The following PTPRT variants were observed in gnomAD, a reference collection of about 807,000 sequenced individuals.
PTPRT encodes the protein protein tyrosine phosphatase receptor type T.
A neutral mutation model predicts 176.8 loss-of-function variants in PTPRT; 56 were observed. That is an observed-to-expected ratio of 0.32 (90% CI 0.26 to 0.40). PTPRT has a LOEUF of 0.40. PTPRT is among the 10% of genes least tolerant of loss of function. The pLI is 1.00. For synonymous variants in PTPRT, 783 were observed against 739.0 expected (o/e 1.06, Z -0.96); for missense variants, 1,540 against 1,908.2 (o/e 0.81, Z 3.60).
intron 15 of PTPRT, among the ~76,000 whole-genome samples, chr20:42,222,603 C>A (rs963622206): frequency 4.6e-5 from 7 of 152,182 alleles, no homozygotes; most frequent in African/African-American, 1.7e-4. Flanking sequence ...CCCTAAGAAC[C>A]TATGAGGGCT....
chr20:42,858,538 G>C (rs768589730), intron 2 of PTPRT, among the ~76,000 whole-genome samples: 8 of 152,148 alleles, frequency 5.3e-5, no homozygotes, highest in African/African-American at 1.9e-4. Flanking sequence ...AATGGGATTA[G>C]TGTCCTTATA....
At chr20:42,537,118 T>A (rs572008827) in intron 7 of PTPRT, among the ~76,000 whole-genome samples, 1 of 152,174 alleles carries the variant, frequency 6.6e-6, no homozygotes, top group East Asian at 1.9e-4. Flanking sequence ...TAGAATATTA[T>A]CAAATGTCAC....
At chr20:42,169,783 C>CAA (rs1568638782) in intron 16 of PTPRT, among the ~76,000 whole-genome samples, 1 of 144,050 alleles carries the variant, frequency 6.9e-6, no homozygotes, top group African/African-American at 2.7e-5. Flanking sequence ...CACACACACA[C>CAA]ACACACACAA....
At chr20:42,912,157 A>G (rs1439344997) in intron 1 of PTPRT, among the ~76,000 whole-genome samples, 2 of 152,114 alleles carry the variant, frequency 1.3e-5, no homozygotes, top group Non-Finnish European at 2.9e-5. Flanking sequence ...GTTGCAATTA[A>G]CACTACTATC....
intron 25 of PTPRT, 22 bp downstream of exon 25, chr20:42,104,547 C>G: frequency 3.1e-6 from 5 of 1,601,044 alleles, no homozygotes; most frequent in Non-Finnish European, 4.3e-6. Flanking sequence ...AGATGGTCAC[C>G]GAGCCTGGGA....
Position 42,199,408 on chromosome 20 carries a change from G to A in PTPRT, c.2343-20C>T, listed in dbSNP as rs138192898. 2 of 1,609,262 alleles carry A rather than the reference G, an allele frequency of 1.2e-6. No individual in the cohort carries two copies. The highest frequency in any genetic ancestry group is 2.2e-5 in the East Asian group (1 of 44,784). On this transcript the variant is annotated intron_variant, in intron 15 of 30. Transcript: ENST00000373187. ...AGCTTCCTTTGGGACATGTGCAAGG[G>A]GAAAAAACCACAGTCAGATGGTGCC...
intron 7 of PTPRT, among the ~76,000 whole-genome samples, chr20:42,517,376 C>T (rs2072088298): frequency 6.6e-6 from 1 of 151,748 alleles, no homozygotes; most frequent in Admixed American, 6.6e-5. Context: ...TATAATATGG[C>T]TTATTTGTAC....
chr20:42,061,429 A>G, the PTPRT span, among the ~76,000 whole-genome samples: 1 of 152,144 alleles, frequency 6.6e-6, no homozygotes, highest in Non-Finnish European at 1.5e-5. Context: ...GTATATAAGT[A>G]TTTGTTAAAT....
chr20:42,955,683 C>T (rs111720244), intron 1 of PTPRT, among the ~76,000 whole-genome samples: 33 of 152,182 alleles, frequency 2.2e-4, no homozygotes, highest in African/African-American at 4.8e-4. Flanking sequence ...CTGAGGCTCA[C>T]GAAGACTACC....
intron 7 of PTPRT, among the ~76,000 whole-genome samples, chr20:42,581,096 C>T (rs909215405): frequency 6.6e-6 from 1 of 152,168 alleles, no homozygotes; most frequent in Non-Finnish European, 1.5e-5. Context: ...TTGAACATTA[C>T]AAGCATGCTC....
At position 42,677,896 on chromosome 20, in the gene PTPRT, G is replaced by A. The variant is rs2146064396; in HGVS notation, c.1123C>T (p.Pro375Ser). 6.2e-7 allele frequency: 1 copy of A among 1,613,950 alleles called. No homozygotes were observed. Among genetic ancestry groups the A allele is most frequent in the Non-Finnish European group, 8.5e-7 (1 of 1,179,960 alleles). ...CACTTGGTCCTGGTGGTGAGGGGAG[G>A]CCCTGGCGGTCCCGTACCCCCCTCA... ...PGEGGTGPPGPPLTTRTKCAD... is the reference protein window; with the variant it reads ...PGEGGTGPPGSPLTTRTKCAD... Residue 375 changes from proline to serine, a missense_variant, in exon 7 of 31, where the codon CCT (proline) becomes TCT (serine). By Grantham distance (74) the Pro-to-Ser change is moderately conservative. This residue lies in a region of PTPRT where 273 missense variants were observed against 432.1 expected (regional missense o/e 0.63). Coordinates refer to ENST00000373187, the MANE Select transcript of PTPRT (RefSeq NM_007050.6).
At chr20:42,420,143 G>A (rs2059105290) in intron 9 of PTPRT, among the ~76,000 whole-genome samples, 1 of 152,160 alleles carries the variant, frequency 6.6e-6, no homozygotes, top group Non-Finnish European at 1.5e-5. Context: ...GCAGCCCTGG[G>A]AAAATCATAT....
At chr20:43,187,959 A>C (rs1455648763) in intron 1 of PTPRT, among the ~76,000 whole-genome samples, 1 of 152,236 alleles carries the variant, frequency 6.6e-6, no homozygotes, top group Non-Finnish European at 1.5e-5. Flanking sequence ...GGCGGCGTTC[A>C]GCACTGGACA....
intron 9 of PTPRT, among the ~76,000 whole-genome samples, chr20:42,410,429 A>G (rs887569984): frequency 6.6e-6 from 1 of 152,188 alleles, no homozygotes; most frequent in Non-Finnish European, 1.5e-5. Context: ...CAACAAAAAT[A>G]CATAAAACAA....
chr20:43,178,157 C>A (rs905095281), intron 1 of PTPRT, among the ~76,000 whole-genome samples: 1 of 152,180 alleles, frequency 6.6e-6, no homozygotes, highest in Non-Finnish European at 1.5e-5. Context: ...TCCACTGCTC[C>A]TTAGTAAACC....
chr20:43,106,047 T>C (rs1465748554), intron 1 of PTPRT, among the ~76,000 whole-genome samples: 2 of 152,110 alleles, frequency 1.3e-5, no homozygotes, highest in African/African-American at 4.8e-5. Flanking sequence ...CCAGACAGAC[T>C]GTGCCTGGAC....
intron 1 of PTPRT, among the ~76,000 whole-genome samples, chr20:43,183,293 C>T (rs771278616): frequency 2.8e-4 from 43 of 152,166 alleles, no homozygotes; most frequent in Admixed American, 2.0e-4. Flanking sequence ...GTCATAGTAA[C>T]GCCATTTCCT....
chr20:42,335,546 A>G (rs1346200085), intron 11 of PTPRT, among the ~76,000 whole-genome samples: 1 of 152,222 alleles, frequency 6.6e-6, no homozygotes, highest in Non-Finnish European at 1.5e-5. Flanking sequence ...GATTACTTCT[A>G]TAAATAAGAA....
chr20:43,166,080 T>C (rs1265017826), intron 1 of PTPRT, among the ~76,000 whole-genome samples: 1 of 152,160 alleles, frequency 6.6e-6, no homozygotes. Flanking sequence ...ATCCCAGCAC[T>C]TTGGGAGGCC....
Sources: allele counts gnomAD v4.1 joint callset (sites outside exome capture counted in the v4.1 genomes callset), GRCh38; gene constraint gnomAD v4.1.1; regional missense constraint gnomAD v4.1.1; transcripts MANE v1.5; gene names NCBI Gene and HGNC (gene_info 2026-07-23, HGNC 2026-07-21).